The following RIN2 variants were observed in gnomAD, a reference collection of about 807,000 sequenced individuals.
The protein encoded by RIN2 is RAB5 interacting protein 2.
In RIN2, 36 loss-of-function variants were observed where a neutral mutation model predicts 78.0. The observed-to-expected ratio is 0.46, with a 90% CI of 0.35 to 0.61. RIN2 has a LOEUF of 0.61. Among genes scored for constraint, RIN2 ranks in the 20% least tolerant of loss-of-function variants. The pLI is 0.00. For synonymous variants in RIN2, 466 were observed against 466.8 expected, an observed-to-expected ratio of 1.00 and a Z score of 0.02; for missense variants, 1,087 against 1,159.7, an observed-to-expected ratio of 0.94 and a Z score of 0.91.
At chr20:19,934,934 C>T (rs1403292231) in intron 3 of RIN2, among the ~76,000 whole-genome samples, 165 bp from the exon 4 acceptor site, 1 of 150,786 alleles carries the variant, frequency 6.6e-6, no homozygotes, top group African/African-American at 2.4e-5. Context: ...TTTATTTTTT[C>T]CTCTGGCTAG....
At chr20:19,816,142 C>A (rs541482599) in intron 2 of RIN2, among the ~76,000 whole-genome samples, 8 of 152,172 alleles carry the variant, frequency 5.3e-5, no homozygotes, top group Non-Finnish European at 1.2e-4. Context: ...CTCAAACATA[C>A]TTTTATCTAA....
chr20:19,778,237 GA>G (rs1449335368), intron 1 of RIN2, among the ~76,000 whole-genome samples: 5 of 152,238 alleles, frequency 3.3e-5, no homozygotes, highest in African/African-American at 1.2e-4. Flanking sequence ...CCAGTTGCAT[GA>G]ACATTTACAT....
chr20:19,844,664 T>C lies in RIN2; in HGVS notation c.-36-44902T>C, dbSNP rs1356673803. Among the ~76,000 whole-genome samples the C allele has an allele frequency of 9.0e-3, 953 of 106,248 alleles. 34 individuals carry two copies. Among genetic ancestry groups the C allele is most frequent in the Middle Eastern group, 0.021 (5 of 236 alleles). 69.7% of individuals were successfully genotyped at this position (106,248 alleles called of 152,430 possible). Reference sequence around the variant, plus strand: ...CTTCTTCTTCTTCTTCTTCTTCTTCTTCTTCCTTCTTCTTCTTCTTCCTCT... The same window carrying C: ...CTTCTTCTTCTTCTTCTTCTTCTTCCTCTTCCTTCTTCTTCTTCTTCCTCT... On this transcript the variant is annotated intron_variant, in intron 2 of 12. Transcript: ENST00000255006.
chr20:19,786,057 A>G (rs2034666483), intron 1 of RIN2, among the ~76,000 whole-genome samples: 1 of 152,108 alleles, frequency 6.6e-6, no homozygotes, highest in Admixed American at 6.5e-5. Context: ...TGCATTGCTA[A>G]CTTCAGTCTG....
intron 2 of RIN2, chr20:19,886,612 C>CTTCTTTTTTTTTTTT: frequency 1.9e-6 from 1 of 519,896 alleles, no homozygotes; most frequent in Non-Finnish European, 3.3e-6. Flanking sequence ...TCTTCTTCTT[C>CTTCTTTTTTTTTTTT]TTTTTTTTTT....
At chr20:19,973,978 A>G (rs906420451) in intron 8 of RIN2, among the ~76,000 whole-genome samples, 2 of 152,110 alleles carry the variant, frequency 1.3e-5, no homozygotes, top group Admixed American at 1.3e-4. Context: ...CATGGTGAGG[A>G]GGTTATATAG....
intron 2 of RIN2, among the ~76,000 whole-genome samples, chr20:19,864,830 A>G (rs1007688250): frequency 6.6e-6 from 1 of 152,220 alleles, no homozygotes; most frequent in Non-Finnish European, 1.5e-5. Context: ...GTTGTTCTCT[A>G]CCAGACAAAT....
At chr20:19,963,380 G>A (rs1162410887) in intron 6 of RIN2, among the ~76,000 whole-genome samples, 1 of 152,134 alleles carries the variant, frequency 6.6e-6, no homozygotes, top group Non-Finnish European at 1.5e-5. Flanking sequence ...TTGGGAGGCT[G>A]AGGTGGGCGG....
intron 9 of RIN2, among the ~76,000 whole-genome samples, chr20:19,977,659 T>C (rs199577): frequency 0.34 from 51,172 of 151,882 alleles, 9,885 homozygotes; most frequent in Non-Finnish European, 0.44. Context: ...GAACTTCCAT[T>C]GGATCAGAAG....
intron 5 of RIN2, 79 bp from the exon 6 acceptor site, chr20:19,960,621 G>C (rs2041710613): frequency 1.9e-6 from 2 of 1,033,878 alleles, no homozygotes; most frequent in African/African-American, 1.6e-5. Context: ...TCTATTCATT[G>C]AGTGTGAGGG....
intron 2 of RIN2, among the ~76,000 whole-genome samples, chr20:19,859,389 C>T (rs2037264557): frequency 6.6e-6 from 1 of 152,234 alleles, no homozygotes; most frequent in Admixed American, 6.5e-5. Context: ...AAGAATAGTG[C>T]TTCCATCCGA....
intron 7 of RIN2, among the ~76,000 whole-genome samples, chr20:19,969,215 C>T (rs564599057): frequency 6.4e-4 from 97 of 152,174 alleles, no homozygotes; most frequent in Non-Finnish European, 1.3e-3. Context: ...CTAATTTTAC[C>T]GTAAACAATA....
intron 2 of RIN2, among the ~76,000 whole-genome samples, chr20:19,884,924 T>G (rs2038133480): frequency 6.6e-6 from 1 of 152,178 alleles, no homozygotes; most frequent in African/African-American, 2.4e-5. Context: ...TCCTCTAGGG[T>G]GAGTCACTTT....
intron 1 of RIN2, among the ~76,000 whole-genome samples, chr20:19,758,869 G>T (rs1311766375): frequency 6.6e-6 from 1 of 152,238 alleles, no homozygotes; most frequent in Non-Finnish European, 1.5e-5. Flanking sequence ...CAGGGCAGAT[G>T]CTCCGACCGG....
intron 2 of RIN2, among the ~76,000 whole-genome samples, chr20:19,813,219 C>T (rs1301795859): frequency 3.3e-5 from 5 of 152,228 alleles, no homozygotes; most frequent in Admixed American, 3.3e-4. Context: ...CAACTGCGTG[C>T]CTGCAGCTAA....
At chr20:19,841,483 T>G (rs1210143999) in intron 2 of RIN2, among the ~76,000 whole-genome samples, 1 of 152,080 alleles carries the variant, frequency 6.6e-6, no homozygotes, top group Admixed American at 6.5e-5. Flanking sequence ...ATCTGAACCA[T>G]AAAGGCAGAG....
intron 3 of RIN2, among the ~76,000 whole-genome samples, chr20:19,911,364 A>G (rs1424854402): frequency 6.6e-6 from 1 of 152,184 alleles, no homozygotes; most frequent in African/African-American, 2.4e-5. Flanking sequence ...CAAATATGTC[A>G]ATATTTTACA....
At chr20:19,969,708 T>G (rs2042045438) in intron 7 of RIN2, among the ~76,000 whole-genome samples, 1 of 152,170 alleles carries the variant, frequency 6.6e-6, no homozygotes, top group East Asian at 1.9e-4. Flanking sequence ...ATCATAAACA[T>G]CTGTGGAACA....
chr20:20,000,239 C>T (rs1019461231), intron 12 of RIN2, among the ~76,000 whole-genome samples: 2 of 152,226 alleles, frequency 1.3e-5, no homozygotes, highest in Middle Eastern at 3.2e-3. Flanking sequence ...TCTCTTTCTG[C>T]TGACTTCCTT....
Sources: allele counts gnomAD v4.1 joint callset (sites outside exome capture counted in the v4.1 genomes callset), GRCh38; gene constraint gnomAD v4.1.1; transcripts MANE v1.5; gene names NCBI Gene and HGNC (gene_info 2026-07-23, HGNC 2026-07-21).